The following SMOC2 variants were observed in gnomAD, a reference collection of about 807,000 sequenced individuals.
SMOC2 encodes the protein SPARC-related modular calcium-binding protein 2.
SMOC2 carries 39 observed loss-of-function variants against 61.4 expected under a neutral mutation model. That is an observed-to-expected ratio of 0.64 (90% confidence interval 0.49 to 0.83). The LOEUF (loss-of-function observed/expected upper bound fraction) is 0.83. SMOC2 is among the 40% of genes least tolerant of loss of function. The probability of loss-of-function intolerance (pLI) is 0.00; values close to 1 mark genes in which losing one functional copy is unlikely to be tolerated. For missense variants in SMOC2, 556 were observed against 592.9 expected (o/e 0.94, Z 0.65); for synonymous variants, 247 against 239.9 (o/e 1.03, Z -0.27).
At chr6:168,507,482 G>A (rs1479057004) in intron 1 of SMOC2, among the ~76,000 whole-genome samples, 14 of 152,172 alleles carry the variant, frequency 9.2e-5, no homozygotes, top group African/African-American at 1.2e-4. Context: ...CCTGTGAGGC[G>A]CCTGTGACTC....
At chr6:168,558,828 TGTGTGTGCAC>T (rs1292046633) in intron 7 of SMOC2, among the ~76,000 whole-genome samples, 1 of 151,790 alleles carries the variant, frequency 6.6e-6, no homozygotes, top group African/African-American at 2.4e-5. Context: ...CGTATGTGCA[TGTGTGTGCAC>T]GTGTGTATGT....
At chr6:168,547,249 C>A in intron 6 of SMOC2, 80 bp downstream of exon 6, 1 of 1,280,846 alleles carries the variant, frequency 7.8e-7, no homozygotes, top group Non-Finnish European at 1.1e-6. Flanking sequence ...TGGAGCGAGT[C>A]ATCTTGTTAG....
intron 7 of SMOC2, among the ~76,000 whole-genome samples, chr6:168,551,669 G>C (rs1240326528): frequency 6.6e-6 from 1 of 152,108 alleles, no homozygotes. Flanking sequence ...AGCCAGGCTT[G>C]TCTCAAACTC....
chr6:168,598,911 G>A lies in SMOC2; in HGVS notation c.731G>A (p.Gly244Asp). Residue 244 changes from glycine to aspartate, a missense_variant, in exon 8 of 13, where the codon GGC becomes GAC. Transcript: ENST00000356284. ...NVVIPECAHG[G>D]LYKPVQCHPS... ...GTGATCCCTGAGTGTGCGCACGGCG[G>A]CCTCTACAAGCCAGTGCAGTGCCAC... is the stretch of plus-strand genomic sequence containing the variant. The A allele has an allele frequency of 3.1e-6, 5 of 1,612,840 alleles. No individual in the cohort carries two copies. The highest frequency in any genetic ancestry group is 4.2e-6 in the Non-Finnish European group (5 of 1,179,670).
At chr6:168,448,425 CGAT>C (rs948719944) in intron 1 of SMOC2, among the ~76,000 whole-genome samples, 11 of 94,672 alleles carry the variant, frequency 1.2e-4, no homozygotes, top group Admixed American at 6.3e-4. Flanking sequence ...ATGGGGAGGA[CGAT>C]GATGGGGAGA....
chr6:168,518,197 C>A (rs972168483), intron 2 of SMOC2, among the ~76,000 whole-genome samples: 1 of 152,222 alleles, frequency 6.6e-6, no homozygotes, highest in Non-Finnish European at 1.5e-5. Flanking sequence ...GCCGGAGTGT[C>A]GCCTGGCTCC....
At chr6:168,574,370 G>C (rs374165707) in intron 7 of SMOC2, among the ~76,000 whole-genome samples, 2 of 152,226 alleles carry the variant, frequency 1.3e-5, no homozygotes, top group Non-Finnish European at 2.9e-5. Flanking sequence ...GGAAGCCCCC[G>C]TCCTTAGGAA....
At chr6:168,660,854 G>A (rs184708994) in intron 11 of SMOC2, among the ~76,000 whole-genome samples, 1 of 152,352 alleles carries the variant, frequency 6.6e-6, no homozygotes, top group East Asian at 1.9e-4. Flanking sequence ...AGCACAGCGC[G>A]ATCTCTTCTG....
At chr6:168,657,445 G>T (rs557453179) in intron 11 of SMOC2, among the ~76,000 whole-genome samples, 2 of 152,334 alleles carry the variant, frequency 1.3e-5, no homozygotes, top group South Asian at 4.1e-4. Flanking sequence ...CAGGCATTTG[G>T]ATGGAAAACC....
rs778137847 is a variant in SMOC2 at position 168,475,288 on chromosome 6, G to A, written c.84+33834G>A. Reference sequence around the variant, plus strand: ...GATAGTCCTGGCATGTTTGATGGATGTCACATTTCAATGCCTTTCCTTCCT... The same window carrying A: ...GATAGTCCTGGCATGTTTGATGGATATCACATTTCAATGCCTTTCCTTCCT... On this transcript the variant is annotated intron_variant, in intron 1 of 12. Transcript: ENST00000356284. This position sits in a 1 kb window ranked among gnomAD's most constrained non-coding sequence, Gnocchi z 4.6. 2.6e-5 allele frequency among the ~76,000 whole-genome samples: 4 copies of A among 152,086 alleles called. No individual in the cohort carries two copies. Among genetic ancestry groups the A allele is most frequent in the Non-Finnish European group, 4.4e-5 (3 of 68,004 alleles).
At chr6:168,498,538 A>G (rs149145834) in intron 1 of SMOC2, among the ~76,000 whole-genome samples, 12 of 152,300 alleles carry the variant, frequency 7.9e-5, no homozygotes, top group Non-Finnish European at 1.8e-4. Flanking sequence ...AGGTCAGGTC[A>G]TTGGGGTTGT....
At chr6:168,516,579 C>G (rs1052063973) in intron 2 of SMOC2, among the ~76,000 whole-genome samples, 11 of 152,172 alleles carry the variant, frequency 7.2e-5, no homozygotes, top group Admixed American at 6.5e-4. Flanking sequence ...TGCACAATGA[C>G]CTCAACAGCC....
At chr6:168,570,903 G>T (rs771804149) in intron 7 of SMOC2, among the ~76,000 whole-genome samples, 3 of 152,108 alleles carry the variant, frequency 2.0e-5, no homozygotes, top group Non-Finnish European at 4.4e-5. Flanking sequence ...TAAACGTCTT[G>T]TTTTCTTTTC....
At chr6:168,576,135 G>T (rs545171531) in intron 7 of SMOC2, among the ~76,000 whole-genome samples, 1 of 152,140 alleles carries the variant, frequency 6.6e-6, no homozygotes, top group Non-Finnish European at 1.5e-5. Context: ...GTGAGGCCAT[G>T]CTGGGCAGGT....
At chr6:168,508,772 A>C (rs903008023) in intron 1 of SMOC2, among the ~76,000 whole-genome samples, 2 of 152,226 alleles carry the variant, frequency 1.3e-5, no homozygotes, top group African/African-American at 4.8e-5. Flanking sequence ...GAACAATGCC[A>C]CATAGCCCCG....
intron 1 of SMOC2, among the ~76,000 whole-genome samples, chr6:168,482,600 A>C (rs759609634): frequency 2.4e-4 from 36 of 152,126 alleles, no homozygotes; most frequent in Non-Finnish European, 4.7e-4. Context: ...AGACACTCTA[A>C]GAAAAGGCAA....
At chr6:168,485,805 G>T (rs373416685) in intron 1 of SMOC2, among the ~76,000 whole-genome samples, 3 of 152,184 alleles carry the variant, frequency 2.0e-5, no homozygotes, top group African/African-American at 7.2e-5. Flanking sequence ...TGTACAATTT[G>T]AATGGATGAA....
chr6:168,546,351 C>T (rs1045228263), intron 5 of SMOC2, among the ~76,000 whole-genome samples: 1 of 151,620 alleles, frequency 6.6e-6, no homozygotes, highest in Admixed American at 6.6e-5. Context: ...GAGAAGGACT[C>T]CTGACTCACA....
At chr6:168,578,949 G>A (rs748018600) in intron 7 of SMOC2, among the ~76,000 whole-genome samples, 13 of 152,194 alleles carry the variant, frequency 8.5e-5, no homozygotes, top group Non-Finnish European at 1.8e-4. Context: ...GGCATTCTGG[G>A]CCCTCAAGTC....
Sources: allele counts gnomAD v4.1 joint callset (sites outside exome capture counted in the v4.1 genomes callset), GRCh38; gene constraint gnomAD v4.1.1; non-coding constraint Gnocchi (gnomAD v3.1); transcripts MANE v1.5; gene names NCBI Gene and HGNC (gene_info 2026-07-23, HGNC 2026-07-21).